Variants in HUNK observed in about 807,000 individuals in gnomAD.
The protein encoded by HUNK is hormonally up-regulated Neu-associated kinase.
A neutral mutation model predicts 61.0 loss-of-function variants in HUNK; 21 were observed. The ratio of observed to expected loss-of-function variants is 0.34; its 90% confidence interval spans 0.24 to 0.50. The LOEUF (loss-of-function observed/expected upper bound fraction) is 0.50, where lower values mean the gene tolerates loss of function less well. HUNK is among the 20% of genes least tolerant of loss of function. HUNK has a pLI of 0.98. For synonymous variants in HUNK, 371 were observed against 386.1 expected, an observed-to-expected ratio of 0.96 and a Z score of 0.46; for missense variants, 772 against 945.7, an observed-to-expected ratio of 0.82 and a Z score of 2.41.
chr21:31,908,890 T>C (rs1204583799), intron 1 of HUNK, among the ~76,000 whole-genome samples: 1 of 152,094 alleles, frequency 6.6e-6, no homozygotes, highest in Admixed American at 6.5e-5. Flanking sequence ...TTTGCCAATA[T>C]ATTTATCAGT....
chr21:31,873,803 C>T lies in HUNK; in HGVS notation c.129C>T (p.Gly43=), dbSNP rs1386718735. Residue 43 remains glycine (G), a synonymous_variant, in exon 1 of 11, where the codon GGC becomes GGT. Transcript: ENST00000270112. The surrounding 1 kb of genome is among the most constrained non-coding windows in gnomAD (Gnocchi z 6.1). ...GTTTCCTGCCTGCCTGGGTGAGCGG[C>T]GTGCCCCGCGAGCGGCTCCGCGACT... ...EGSFLPAWVS[G]VPRERLRDFQ... is the part of the protein sequence containing the mutation. The T allele has an allele frequency of 7.7e-6, 12 of 1,566,344 alleles. No individual in the cohort carries two copies. The highest frequency in any genetic ancestry group is 5.6e-5 in the African/African-American group (4 of 71,136).
rs746748107 is a variant in HUNK at position 31,974,582 on chromosome 21, C to T, written c.1038C>T (p.Ser346=). 14 of 1,613,474 alleles carry T rather than the reference C, an allele frequency of 8.7e-6. No homozygotes were observed. The highest frequency in any genetic ancestry group is 4.5e-5 in the East Asian group (2 of 44,842). Residue 346 remains serine (S), a synonymous_variant, in exon 7 of 11, where the codon AGC becomes AGT. Coordinates refer to ENST00000270112, the MANE Select transcript of HUNK (RefSeq NM_014586.2). ...TTTCTCTGGAAGATCTGAGCCCGAG[C>T]GTCGTGCTGCACATGACCGAGAAGC... The part of the protein sequence containing the change: ...NRISLEDLSP[S]VVLHMTEKLG...
chr21:31,958,167 G>A (rs879943912), intron 4 of HUNK, among the ~76,000 whole-genome samples: 5 of 151,822 alleles, frequency 3.3e-5, no homozygotes, highest in Non-Finnish European at 5.9e-5. Context: ...CATAACATTC[G>A]GAGAGAGCAG....
chr21:31,939,659 T>A (rs1302270604), intron 2 of HUNK, among the ~76,000 whole-genome samples: 4 of 151,730 alleles, frequency 2.6e-5, no homozygotes, highest in African/African-American at 9.7e-5. Context: ...CTGCCCACCC[T>A]GGCCTCCCAA....
chr21:31,913,825 G>A (rs1168003599), intron 1 of HUNK, among the ~76,000 whole-genome samples: 1 of 151,958 alleles, frequency 6.6e-6, no homozygotes, highest in African/African-American at 2.4e-5. Flanking sequence ...AGGGCAAGCA[G>A]GGTGTGAGAG....
rs114587608 is a variant in HUNK, at chr21:31,907,711, C to T, written c.262-16757C>T. ...GCACTTAAAAGTGGTGAGGATGGGC[C>T]GGGCGTGCTGGCTCACACCTGTAAT... is the stretch of plus-strand genomic sequence containing the variant. On this transcript the variant is annotated intron_variant, in intron 1 of 10. Coordinates refer to ENST00000270112, the MANE Select transcript of HUNK (RefSeq NM_014586.2). 5.3e-3 allele frequency among the ~76,000 whole-genome samples: 805 copies of T among 152,192 alleles called. 13 individuals carry two copies. Among genetic ancestry groups the T allele is most frequent in the African/African-American group, 0.018 (759 of 41,528 alleles).
chr21:31,940,149 G>T lies in HUNK; in HGVS notation c.555-16G>T, dbSNP rs199674931. Reference sequence around the variant, plus strand: ...GAATGCTTATCTGAAATGCTGTGTGGTTTTGTTTATTTCAGAGACTTGAAG... The same window carrying T: ...GAATGCTTATCTGAAATGCTGTGTGTTTTTGTTTATTTCAGAGACTTGAAG... On this transcript the variant is annotated splice_polypyrimidine_tract_variant and intron_variant, in intron 2 of 10. Coordinates refer to ENST00000270112, the MANE Select transcript of HUNK (RefSeq NM_014586.2). 1.0e-3 allele frequency: 1,646 copies of T among 1,571,788 alleles called. 3 individuals carry two copies. Among genetic ancestry groups the T allele is most frequent in the Non-Finnish European group, 1.2e-3 (1,423 of 1,153,758 alleles).
At chr21:31,882,364 G>A (rs1330254920) in intron 1 of HUNK, among the ~76,000 whole-genome samples, 1 of 152,174 alleles carries the variant, frequency 6.6e-6, no homozygotes, top group Non-Finnish European at 1.5e-5. Flanking sequence ...CAAAGGTTCT[G>A]AGAGGGTTTG....
At chr21:31,932,262 G>A (rs1004673899) in intron 2 of HUNK, among the ~76,000 whole-genome samples, 10 of 152,162 alleles carry the variant, frequency 6.6e-5, no homozygotes, top group Non-Finnish European at 4.4e-5. Context: ...GGTTGGAGCA[G>A]CTGCCTTTCT....
At chr21:31,979,766 T>G (rs561437548) in intron 7 of HUNK, among the ~76,000 whole-genome samples, 1 of 150,720 alleles carries the variant, frequency 6.6e-6, no homozygotes, top group East Asian at 2.0e-4. Context: ...CTGCCCACCT[T>G]GGCCTCCCAA....
At chr21:31,876,315 A>AT (rs1477157050) in intron 1 of HUNK, among the ~76,000 whole-genome samples, 1 of 152,178 alleles carries the variant, frequency 6.6e-6, no homozygotes, top group Non-Finnish European at 1.5e-5. Flanking sequence ...TGCTCCAGGG[A>AT]TTGCGGGCAT....
At chr21:31,986,487 G>C (rs1017220007) in intron 8 of HUNK, among the ~76,000 whole-genome samples, 1 of 151,996 alleles carries the variant, frequency 6.6e-6, no homozygotes, top group African/African-American at 2.4e-5. Context: ...CTGCCTGGCC[G>C]TCAGAGCGAG....
chr21:31,974,777 C>A, intron 7 of HUNK, 60 bp downstream of exon 7: 1 of 1,467,552 alleles, frequency 6.8e-7, no homozygotes, highest in Non-Finnish European at 9.2e-7. Flanking sequence ...GCTCCTACAC[C>A]CAAAGTGCTT....
intron 1 of HUNK, among the ~76,000 whole-genome samples, chr21:31,877,550 T>A (rs2052273230): frequency 1.3e-5 from 2 of 151,974 alleles, no homozygotes; most frequent in African/African-American, 4.8e-5. Flanking sequence ...CTCCTTTGAG[T>A]TAATGCAATC....
In HUNK at chr21:31,998,700, T is replaced by G; in HGVS notation, c.1661T>G (p.Leu554Arg). 2 of 1,614,110 alleles carry G rather than the reference T, an allele frequency of 1.2e-6. No homozygotes were observed. Among genetic ancestry groups the G allele is most frequent in the South Asian group, 1.1e-5 (1 of 91,076 alleles). ...STGIPHKEDP[L>R]MLDMVRSFES... Reference sequence around the variant, plus strand: ...GGCATCCCCCACAAGGAAGACCCCCTGATGCTGGACATGGTGCGCTCCTTC... The same window carrying G: ...GGCATCCCCCACAAGGAAGACCCCCGGATGCTGGACATGGTGCGCTCCTTC... Residue 554 changes from leucine to arginine, a missense_variant, in exon 11 of 11, where the codon CTG becomes CGG. This residue lies in a region of HUNK where 413 missense variants were observed against 444.4 expected (regional missense o/e 0.93). Coordinates refer to ENST00000270112, the MANE Select transcript of HUNK (RefSeq NM_014586.2).
chr21:31,903,848 C>T (rs1467997486), intron 1 of HUNK, among the ~76,000 whole-genome samples: 1 of 152,200 alleles, frequency 6.6e-6, no homozygotes, highest in African/African-American at 2.4e-5. Context: ...TTTTCTAAAA[C>T]GTCCTCAGGT....
At chr21:31,942,780 C>A (rs1449590628) in intron 3 of HUNK, among the ~76,000 whole-genome samples, 3 of 152,172 alleles carry the variant, frequency 2.0e-5, no homozygotes, top group South Asian at 2.1e-4. Flanking sequence ...AGGCAGTGAC[C>A]ATTGGATTTC....
intron 2 of HUNK, among the ~76,000 whole-genome samples, chr21:31,939,399 GTTTTTTT>G (rs398036365): frequency 1.5e-5 from 1 of 66,732 alleles, no homozygotes; most frequent in East Asian, 4.7e-4. Context: ...GCTTTCATGT[GTTTTTTT>G]TTTTTTTTTT....
chr21:31,888,491 CT>C (rs1332157268), intron 1 of HUNK, among the ~76,000 whole-genome samples: 2 of 152,138 alleles, frequency 1.3e-5, no homozygotes, highest in Admixed American at 1.3e-4. Context: ...ATTCCCAGCA[CT>C]TTGGGAGGCC....
Sources: allele counts gnomAD v4.1 joint callset (sites outside exome capture counted in the v4.1 genomes callset), GRCh38; gene constraint gnomAD v4.1.1; regional missense constraint gnomAD v4.1.1; non-coding constraint Gnocchi (gnomAD v3.1); transcripts MANE v1.5; gene names NCBI Gene and HGNC (gene_info 2026-07-23, HGNC 2026-07-21).